The following DHX34 variants were observed in gnomAD, a reference collection of about 807,000 sequenced individuals.
DHX34 encodes DExH-box helicase 34, also known as probable ATP-dependent RNA helicase DHX34.
A neutral mutation model predicts 111.1 loss-of-function variants in DHX34; 96 were observed. The observed-to-expected ratio is 0.86, with a 90% CI of 0.73 to 1.02. The LOEUF (loss-of-function observed/expected upper bound fraction) is 1.02. Ranked by LOEUF, DHX34 falls within the 50% of genes least tolerant of loss-of-function variation. The pLI, the probability that DHX34 is intolerant of heterozygous loss-of-function variation, is 0.00. For synonymous variants in DHX34, 688 were observed against 670.4 expected (o/e 1.03, Z -0.41); for missense variants, 1,560 against 1,579.9 (o/e 0.99, Z 0.21).
rs1969366718 is a variant in DHX34, at chr19:47,353,733, C to T, written c.703C>T (p.Gln235Ter). The T allele has an allele frequency of 7.6e-6, 12 of 1,577,940 alleles. No individual in the cohort carries two copies. The highest frequency in any genetic ancestry group is 1.0e-5 in the Non-Finnish European group (12 of 1,158,114). ...TGAGAGCCTCAGTCAGTATGGCTCA[C>T]AGGTGAGTGGGACGCACCAGGTTTC... ...GFESLSQYGS[Q>*]VGYQIRFEST... The change falls in exon 2 of 17, where the codon CAG (glutamine) becomes TAG (stop). Residue 235 changes from glutamine to a stop codon, truncating the protein, a stop_gained and splice_region_variant. Coordinates refer to ENST00000328771, the MANE Select transcript of DHX34 (RefSeq NM_014681.6). LOFTEE classifies it high-confidence loss of function. The surrounding 1 kb of genome is among the most constrained non-coding windows in gnomAD (Gnocchi z 4.6).
chr19:47,379,994 C>T lies in DHX34; in HGVS notation c.2982+9C>T, dbSNP rs1970304422. ...AATTCACGGCATCCAAGGTACCCTC[C>T]ACCAGGGTGCCCGTGCCTCCCTATG... On this transcript the variant is annotated intron_variant, in intron 14 of 16. Transcript: ENST00000328771. 9 of 1,569,944 alleles carry T rather than the reference C, an allele frequency of 5.7e-6. No individual in the cohort carries two copies. Among genetic ancestry groups the T allele is most frequent in the Non-Finnish European group, 7.8e-6 (9 of 1,149,826 alleles).
chr19:47,376,715 T>C (rs1970174608), intron 12 of DHX34, 155 bp downstream of exon 12: 1 of 1,418,964 alleles, frequency 7.0e-7, no homozygotes, highest in African/African-American at 1.4e-5. Context: ...CAGGCCTCCC[T>C]GGGTAGCCTT....
At chr19:47,377,842 G>A (rs1970219481) in intron 13 of DHX34, among the ~76,000 whole-genome samples, 1 of 152,018 alleles carries the variant, frequency 6.6e-6, no homozygotes, top group Admixed American at 6.5e-5. Context: ...GGAGGCTGAG[G>A]CCGAACTCAG....
At chr19:47,373,049 A>G (rs940369927) in intron 8 of DHX34, 126 bp downstream of exon 8, 1 of 1,266,918 alleles carries the variant, frequency 7.9e-7, no homozygotes, top group Non-Finnish European at 1.0e-6. Flanking sequence ...CCCCCCACAG[A>G]CTGGGCCTGC....
chr19:47,351,277 C>T (rs967460027), intron 1 of DHX34, among the ~76,000 whole-genome samples: 1 of 139,968 alleles, frequency 7.1e-6, no homozygotes. Context: ...CTCCAGGGTT[C>T]GAGTGATTCT....
At chr19:47,380,601 C>G in intron 14 of DHX34, 16 of 984,330 alleles carry the variant, frequency 1.6e-5, no homozygotes, top group Non-Finnish European at 1.8e-5. Flanking sequence ...AGAAGAGGGG[C>G]CTGGGGAGGG....
chr19:47,364,083 G>A (rs1288469445), intron 6 of DHX34, among the ~76,000 whole-genome samples: 2 of 152,116 alleles, frequency 1.3e-5, no homozygotes, highest in Non-Finnish European at 2.9e-5. Context: ...GGGACCCAGG[G>A]TCCTTCACTC....
At chr19:47,363,077 A>G (rs1200435038) in intron 6 of DHX34, among the ~76,000 whole-genome samples, 2 of 151,796 alleles carry the variant, frequency 1.3e-5, no homozygotes, top group African/African-American at 4.8e-5. Context: ...CAGCCTTCCT[A>G]GTAGCTGGGA....
chr19:47,357,993 T>G lies in DHX34; in HGVS notation c.1145T>G (p.Leu382Arg). Reference protein sequence around the residue: ...KYPPEERGDLLVFLSGMAEIS... With the variant: ...KYPPEERGDLRVFLSGMAEIS... ...CCGCCTGAGGAGCGGGGTGACCTCCTCGTCTTCCTCAGCGGCATGGCGGAG... is the reference window on the plus strand; with the variant it reads ...CCGCCTGAGGAGCGGGGTGACCTCCGCGTCTTCCTCAGCGGCATGGCGGAG... The change falls in exon 4 of 17, where the codon CTC becomes CGC. Residue 382 changes from leucine to arginine, a missense_variant. Leu to Arg is a moderately radical substitution (Grantham distance 102). Transcript: ENST00000328771. The G allele has an allele frequency of 6.2e-7, 1 of 1,613,900 alleles. No homozygotes were observed. The highest frequency in any genetic ancestry group is 8.5e-7 in the Non-Finnish European group (1 of 1,180,042).
At chr19:47,379,492 G>A (rs571002613) in intron 13 of DHX34, 23 of 748,644 alleles carry the variant, frequency 3.1e-5, no homozygotes, top group South Asian at 1.8e-4. Context: ...CTGCCGCCCC[G>A]CCACCCCAGC....
chr19:47,382,140 C>T lies in DHX34; in HGVS notation c.*27C>T, dbSNP rs370718716. ...CTGGGCCAGGAGCCCTGCCCACCTC[C>T]GTGCAGCTGACCTGCCCTCCAGCCC... On this transcript the variant is annotated 3_prime_UTR_variant, in exon 17 of 17. Transcript: ENST00000328771. 29 of 1,611,946 alleles carry T rather than the reference C, an allele frequency of 1.8e-5. No individual in the cohort carries two copies. The highest frequency in any genetic ancestry group is 2.3e-5 in the Non-Finnish European group (27 of 1,179,046).
intron 7 of DHX34, among the ~76,000 whole-genome samples, chr19:47,369,541 G>A (rs1022507253): frequency 6.6e-6 from 1 of 152,200 alleles, no homozygotes; most frequent in African/African-American, 2.4e-5. Context: ...CCCTCACGGA[G>A]CTCACATGTA....
intron 16 of DHX34, 193 bp downstream of exon 16, chr19:47,381,517 A>T (rs1029991261): frequency 1.2e-4 from 93 of 750,580 alleles, no homozygotes; most frequent in Non-Finnish European, 1.8e-4. Flanking sequence ...CTGGAGCGCC[A>T]CCTCTTTCTG....
intron 1 of DHX34, among the ~76,000 whole-genome samples, chr19:47,349,755 A>C (rs1969228471): frequency 6.6e-6 from 1 of 152,130 alleles, no homozygotes; most frequent in Non-Finnish European, 1.5e-5. Flanking sequence ...GAAAAGTCGG[A>C]AACTGATCGT....
chr19:47,355,392 C>A, intron 3 of DHX34, 42 bp downstream of exon 3: 1 of 1,592,520 alleles, frequency 6.3e-7, no homozygotes, highest in Non-Finnish European at 8.6e-7. Flanking sequence ...GACCTCCAAC[C>A]TGGTCTCTGT....
At position 47,367,029 on chromosome 19, in the gene DHX34, C is replaced by T. The variant is rs376090055; in HGVS notation, c.1642C>T (p.Pro548Ser). 8.8e-6 allele frequency: 14 copies of T among 1,595,724 alleles called. No homozygotes were observed. Among genetic ancestry groups the T allele is most frequent in the African/African-American group, 2.7e-5 (2 of 74,286 alleles). Residue 548 changes from proline to serine, a missense_variant, in exon 7 of 17, where the codon CCC (proline) becomes TCC (serine). Pro to Ser is a moderately conservative substitution (Grantham distance 74). Coordinates refer to ENST00000328771, the MANE Select transcript of DHX34 (RefSeq NM_014681.6). ...CCCCCGAACCTTCCCCTTCATCGAG[C>T]CCCCACCACCAGCCAGCCTGGAAAC... The part of the protein sequence containing the change: ...GDPRTFPFIE[P>S]PPPASLETAI...
At chr19:47,367,568 C>T (rs1568400777) in intron 7 of DHX34, among the ~76,000 whole-genome samples, 1 of 152,052 alleles carries the variant, frequency 6.6e-6, no homozygotes, top group Non-Finnish European at 1.5e-5. Flanking sequence ...AGGAGCCATG[C>T]AAATACTAGA....
In DHX34 at chr19:47,376,512, G is replaced by T. The variant is rs377762644; in HGVS notation, c.2551G>T (p.Val851Leu). 24 of 1,595,446 alleles carry T rather than the reference G, an allele frequency of 1.5e-5. No individual in the cohort carries two copies. Among genetic ancestry groups the T allele is most frequent in the Non-Finnish European group, 1.9e-5 (22 of 1,171,620 alleles). Residue 851 changes from valine to leucine, a missense_variant, in exon 12 of 17, where the codon GTG (valine) becomes TTG (leucine). Physicochemically the swap from Val to Leu is conservative, Grantham distance 32. Coordinates refer to ENST00000328771, the MANE Select transcript of DHX34 (RefSeq NM_014681.6). Reference sequence around the variant, plus strand: ...CTGCGTCTTCGCTGGCAGCCCCGAGGTGCTGCACGCACAGGAGCTGGAGGC... The same window carrying T: ...CTGCGTCTTCGCTGGCAGCCCCGAGTTGCTGCACGCACAGGAGCTGGAGGC... ...PTCVFAGSPE[V>L]LHAQELEASN... is the part of the protein sequence containing the mutation.
rs1177735380 is a variant in DHX34, at chr19:47,358,088, C to T, written c.1240C>T (p.His414Tyr). 2.5e-6 allele frequency: 4 copies of T among 1,610,600 alleles called. No individual in the cohort carries two copies. The highest frequency in any genetic ancestry group is 2.5e-6 in the Non-Finnish European group (3 of 1,177,746). ...HTQRWVVLPLHSALSVADQDK... is the reference protein window; with the variant it reads ...HTQRWVVLPLYSALSVADQDK... The stretch of plus-strand genomic sequence containing the variant: ...CCAGCGCTGGGTGGTACTGCCACTG[C>T]ACAGCGCCCTGTCTGTGGCCGACCA... The change falls in exon 4 of 17, where the codon CAC becomes TAC. Residue 414 changes from histidine to tyrosine, a missense_variant. By Grantham distance (83) the His-to-Tyr change is moderately conservative. Transcript: ENST00000328771.
Sources: gnomAD v4.1 joint callset for allele counts (sites outside exome capture counted in the v4.1 genomes callset) on GRCh38, gnomAD v4.1.1 for gene constraint, Gnocchi (gnomAD v3.1) non-coding constraint, MANE v1.5 for transcripts, NCBI Gene and HGNC (gene_info 2026-07-23, HGNC 2026-07-21) for gene names.